The following UNC5C variants were observed in gnomAD, a reference collection of about 807,000 sequenced individuals.
The protein encoded by UNC5C is netrin receptor UNC5C.
Under a neutral mutation model 99.8 loss-of-function variants are expected in UNC5C, and 47 were observed. The observed-to-expected ratio is 0.47, with a 90% confidence interval of 0.37 to 0.60. The LOEUF (loss-of-function observed/expected upper bound fraction) is 0.60, where lower values mean the gene tolerates loss of function less well. Among genes scored for constraint, UNC5C ranks in the 20% least tolerant of loss-of-function variants. The pLI, the probability that UNC5C is intolerant of heterozygous loss-of-function variation, is 0.00. For synonymous variants in UNC5C, 487 were observed against 452.2 expected, an observed-to-expected ratio of 1.08 and a Z score of -0.98; for missense variants, 1,062 against 1,165.9, an observed-to-expected ratio of 0.91 and a Z score of 1.30.
Position 95,170,231 on chromosome 4 carries a change from C to A in UNC5C, c.2553G>T (p.Lys851Asn), listed in dbSNP as rs762597746. 6.2e-7 allele frequency: 1 copy of A among 1,614,140 alleles called. No individual in the cohort carries two copies. The highest frequency in any genetic ancestry group is 1.7e-5 in the Admixed American group (1 of 60,022). The change falls in exon 15 of 16, where the codon AAG becomes AAT. Residue 851 changes from lysine (K) to asparagine (N), a missense_variant. Physicochemically the swap from Lys to Asn is moderately conservative, Grantham distance 94. Around this residue, in one of 3 missense-constraint regions of UNC5C, gnomAD observed 810 missense variants for 854.5 expected, o/e 0.95. Coordinates refer to ENST00000453304, the MANE Select transcript of UNC5C (RefSeq NM_003728.4). Reference sequence around the variant, plus strand: ...GGGGGGCATCCAGGCTGCTACAGAGCTTCTGCCGGATAGGGAGAGGGATGC... The same window carrying A: ...GGGGGGCATCCAGGCTGCTACAGAGATTCTGCCGGATAGGGAGAGGGATGC... ...AFSIPLPIRQ[K>N]LCSSLDAPQT...
At chr4:95,211,714 C>T (rs1251533427) in intron 10 of UNC5C, among the ~76,000 whole-genome samples, 5 of 152,178 alleles carry the variant, frequency 3.3e-5, no homozygotes, top group East Asian at 1.9e-4. Flanking sequence ...TCTAACCGCT[C>T]GCCTACTTTA....
At chr4:95,233,831 A>G (rs1739000339) in intron 7 of UNC5C, among the ~76,000 whole-genome samples, 2 of 152,242 alleles carry the variant, frequency 1.3e-5, no homozygotes, top group Middle Eastern at 3.4e-3. Flanking sequence ...ACTACTCAGG[A>G]GGCTGAGGCA....
chr4:95,529,842 T>A (rs1014012767), intron 1 of UNC5C, among the ~76,000 whole-genome samples: 1 of 152,228 alleles, frequency 6.6e-6, no homozygotes, highest in Non-Finnish European at 1.5e-5. Flanking sequence ...TTAGTTTAAT[T>A]TACTTGACAA....
At chr4:95,377,786 T>C (rs1744939739) in intron 1 of UNC5C, among the ~76,000 whole-genome samples, 2 of 152,058 alleles carry the variant, frequency 1.3e-5, no homozygotes, top group Admixed American at 1.3e-4. Flanking sequence ...TACAGTTAGG[T>C]GGATTAATAG....
intron 1 of UNC5C, among the ~76,000 whole-genome samples, chr4:95,456,183 A>G (rs1747422324): frequency 6.6e-6 from 1 of 152,150 alleles, no homozygotes. Context: ...AAGCCTTAAT[A>G]TGGAGGAACA....
At chr4:95,535,650 T>C (rs1456284090) in intron 1 of UNC5C, among the ~76,000 whole-genome samples, 1 of 152,196 alleles carries the variant, frequency 6.6e-6, no homozygotes, top group East Asian at 1.9e-4. Context: ...TTTAGCACAA[T>C]TTATTCATCT....
Position 95,229,757 on chromosome 4 carries a change from A to G in UNC5C, c.1109-9581T>C, listed in dbSNP as rs550264921. Among the ~76,000 whole-genome samples the G allele has an allele frequency of 2.6e-3, 357 of 136,564 alleles. 2 individuals carry two copies. Among genetic ancestry groups the G allele is most frequent in the African/African-American group, 9.4e-3 (337 of 35,866 alleles). The allele number at this position is 136,564 out of a possible 152,430, so 89.6% of individuals were successfully genotyped here. A position where few individuals can be genotyped will look rare whatever the true frequency, so the allele number is the denominator to read the frequency against. ...ACACTCCCACCAACAGTATAAAAGC[A>G]TTCCTATTTCTCCATATCCTCCCCA... On this transcript the variant is annotated intron_variant, in intron 7 of 15. Coordinates refer to ENST00000453304, the MANE Select transcript of UNC5C (RefSeq NM_003728.4).
At chr4:95,537,235 T>C (rs1347632088) in intron 1 of UNC5C, among the ~76,000 whole-genome samples, 1 of 152,134 alleles carries the variant, frequency 6.6e-6, no homozygotes, top group Non-Finnish European at 1.5e-5. Flanking sequence ...TACTAGAAAG[T>C]ATAATGAGAA....
intron 14 of UNC5C, 65 bp from the exon 15 acceptor site, chr4:95,170,397 C>A: frequency 6.5e-7 from 1 of 1,543,422 alleles, no homozygotes. Flanking sequence ...TCTATTGAAC[C>A]AATCAACATA....
intron 1 of UNC5C, among the ~76,000 whole-genome samples, chr4:95,366,918 AG>A (rs1744590840): frequency 6.6e-6 from 1 of 152,162 alleles, no homozygotes; most frequent in Non-Finnish European, 1.5e-5. Flanking sequence ...CTGGCAGCAG[AG>A]GGATATTGTA....
At chr4:95,226,528 A>G (rs549037799) in intron 7 of UNC5C, among the ~76,000 whole-genome samples, 30 of 152,276 alleles carry the variant, frequency 2.0e-4, no homozygotes, top group African/African-American at 7.2e-4. Flanking sequence ...AACATAGCCT[A>G]TTATCTAATG....
intron 1 of UNC5C, among the ~76,000 whole-genome samples, chr4:95,392,928 A>G (rs1282095016): frequency 6.6e-6 from 1 of 152,202 alleles, no homozygotes; most frequent in Non-Finnish European, 1.5e-5. Flanking sequence ...ATCTAAAAGT[A>G]AAAGTCTCCC....
At chr4:95,278,218 T>G (rs764689358) in intron 4 of UNC5C, 41 bp downstream of exon 4, 1 of 1,510,984 alleles carries the variant, frequency 6.6e-7, no homozygotes, top group East Asian at 2.3e-5. Context: ...TTAGAATAAC[T>G]TAGTGCCAAT....
At chr4:95,490,022 G>A (rs1721436889) in intron 1 of UNC5C, among the ~76,000 whole-genome samples, 1 of 148,114 alleles carries the variant, frequency 6.8e-6, no homozygotes, top group Admixed American at 6.8e-5. Context: ...GAAAATACAT[G>A]TGTACACAGA....
chr4:95,506,908 T>C (rs1037997548), intron 1 of UNC5C, among the ~76,000 whole-genome samples: 1 of 151,804 alleles, frequency 6.6e-6, no homozygotes, highest in Non-Finnish European at 1.5e-5. Context: ...TATTAATAAA[T>C]GTAAGTAAGA....
At chr4:95,341,582 G>T (rs916454898) in intron 1 of UNC5C, among the ~76,000 whole-genome samples, 1 of 151,900 alleles carries the variant, frequency 6.6e-6, no homozygotes, top group African/African-American at 2.4e-5. Flanking sequence ...GAGGGAGGAA[G>T]GGAGGGGAGG....
At chr4:95,359,492 A>T (rs1371666290) in intron 1 of UNC5C, among the ~76,000 whole-genome samples, 2 of 152,068 alleles carry the variant, frequency 1.3e-5, no homozygotes, top group African/African-American at 2.4e-5. Flanking sequence ...TTTCTAAAAA[A>T]AAAAAAGGTG....
At chr4:95,353,250 G>C (rs568791335) in intron 1 of UNC5C, among the ~76,000 whole-genome samples, 4 of 152,014 alleles carry the variant, frequency 2.6e-5, no homozygotes, top group African/African-American at 9.6e-5. Flanking sequence ...ACACCTAAGC[G>C]GGTTCTAAAA....
At chr4:95,218,426 T>C (rs747740332) in intron 9 of UNC5C, among the ~76,000 whole-genome samples, 2 of 152,198 alleles carry the variant, frequency 1.3e-5, no homozygotes, top group Non-Finnish European at 2.9e-5. Context: ...TGATTCTGGA[T>C]ACAAATATCA....
Sources: allele counts gnomAD v4.1 joint callset (sites outside exome capture counted in the v4.1 genomes callset), GRCh38; gene constraint gnomAD v4.1.1; regional missense constraint gnomAD v4.1.1; transcripts MANE v1.5; gene names NCBI Gene and HGNC (gene_info 2026-07-23, HGNC 2026-07-21).